LSM14A: variants seen among roughly 807,000 people sequenced by gnomAD.
The protein encoded by LSM14A is protein LSM14 homolog A.
LSM14A carries 14 observed loss-of-function variants against 52.4 expected under a neutral mutation model. The observed-to-expected ratio is 0.27, with a 90% CI of 0.18 to 0.42. LSM14A has a LOEUF of 0.42. Among genes scored for constraint, LSM14A ranks in the 10% least tolerant of loss-of-function variants. The pLI is 1.00. For missense variants in LSM14A, 417 were observed against 581.8 expected (o/e 0.72, Z 2.91); for synonymous variants, 185 against 200.3 (o/e 0.92, Z 0.64).
At chr19:34,181,581 C>T (rs1599660599) in intron 1 of LSM14A, among the ~76,000 whole-genome samples, 1 of 152,112 alleles carries the variant, frequency 6.6e-6, no homozygotes, top group Admixed American at 6.5e-5. Context: ...TTAACTTGAT[C>T]GTATGCCATT....
Position 34,192,316 on chromosome 19 carries a change from GTTGTTTTTTT to G in LSM14A, c.122-2159_122-2150del, listed in dbSNP as rs1249205365. Among the ~76,000 whole-genome samples the G allele has an allele frequency of 7.3e-4, 48 of 65,786 alleles. 2 individuals carry two copies. The highest frequency in any genetic ancestry group is 2.4e-3 in the African/African-American group (42 of 17,408). 43.2% of individuals were successfully genotyped at this position (65,786 alleles called of 152,430 possible). ...TTTACACTGAAATAACATTCTTTTT[GTTGTTTTTTT>G]TTTTTTTTTTTTTTTTGGAGTCAGA... On this transcript the variant is annotated intron_variant, in intron 1 of 9. Coordinates refer to ENST00000544216, the MANE Select transcript of LSM14A (RefSeq NM_015578.4).
chr19:34,186,821 T>C (rs1451165429), intron 1 of LSM14A, among the ~76,000 whole-genome samples: 3 of 152,248 alleles, frequency 2.0e-5, no homozygotes, highest in African/African-American at 7.2e-5. Flanking sequence ...TTCTTAACTT[T>C]GTAAGCGTCT....
intron 3 of LSM14A, among the ~76,000 whole-genome samples, chr19:34,198,107 C>A (rs143703107): frequency 1.3e-5 from 2 of 150,786 alleles, no homozygotes; most frequent in African/African-American, 4.9e-5. Context: ...TGCCCCTAAT[C>A]TTTTAAAATT....
chr19:34,217,307 G>A (rs908587092), intron 6 of LSM14A, among the ~76,000 whole-genome samples: 2 of 149,172 alleles, frequency 1.3e-5, no homozygotes, highest in Admixed American at 1.3e-4. Flanking sequence ...TGAATCAGTT[G>A]TTTAAGAGCT....
chr19:34,205,824 T>A (rs1390434469), intron 3 of LSM14A, among the ~76,000 whole-genome samples: 1 of 152,094 alleles, frequency 6.6e-6, no homozygotes, highest in Non-Finnish European at 1.5e-5. Context: ...ATCAGCAAAG[T>A]CAAGAGTTTG....
intron 1 of LSM14A, among the ~76,000 whole-genome samples, chr19:34,180,174 C>T (rs1311431088): frequency 1.3e-5 from 2 of 152,202 alleles, no homozygotes; most frequent in East Asian, 3.8e-4. Context: ...CTGCCTTGGC[C>T]TCCCAAAGTG....
At chr19:34,182,977 C>T (rs2069605097) in intron 1 of LSM14A, among the ~76,000 whole-genome samples, 1 of 152,120 alleles carries the variant, frequency 6.6e-6, no homozygotes, top group Non-Finnish European at 1.5e-5. Context: ...TTGCCTCCTG[C>T]TCCCCAGCCT....
chr19:34,219,612 T>G, intron 7 of LSM14A, 39 bp downstream of exon 7: 3 of 1,587,006 alleles, frequency 1.9e-6, no homozygotes, highest in Non-Finnish European at 2.6e-6. Context: ...TAATCTTATT[T>G]GATCTGTGAA....
Position 34,221,743 on chromosome 19 carries a change from G to A in LSM14A, c.1368+5G>A. The A allele has an allele frequency of 1.9e-6, 3 of 1,595,482 alleles. No individual in the cohort carries two copies. The highest frequency in any genetic ancestry group is 2.6e-6 in the Non-Finnish European group (3 of 1,165,590). On this transcript the variant is annotated splice_donor_5th_base_variant and intron_variant, in intron 9 of 9. Coordinates refer to ENST00000544216, the MANE Select transcript of LSM14A (RefSeq NM_015578.4). ...TTTGCGGATTTTGAATATAGGGTAA[G>A]TGTTACTGTTAATAAATTCTTTGGG... is the stretch of plus-strand genomic sequence containing the variant.
chr19:34,197,616 T>C (rs2070956916), intron 3 of LSM14A, among the ~76,000 whole-genome samples: 1 of 151,340 alleles, frequency 6.6e-6, no homozygotes, highest in Non-Finnish European at 1.5e-5. Flanking sequence ...TTTTTTTGTA[T>C]TTTTAGTAGA....
At chr19:34,214,514 G>A (rs1411216916) in intron 4 of LSM14A, among the ~76,000 whole-genome samples, 1 of 152,048 alleles carries the variant, frequency 6.6e-6, no homozygotes, top group Non-Finnish European at 1.5e-5. Context: ...TCGCCATGTT[G>A]CCTAGGCTGG....
chr19:34,219,872 C>A lies in LSM14A; in HGVS notation c.1131C>A (p.Asp377Glu). The part of the protein sequence containing the change: ...KSFFDNISCD[D>E]NRERRPTWAE... ...TCTTTGATAATATTTCTTGTGATGA[C>A]AATAGGTACAGTTTTTAAGCTGTTC... The change falls in exon 8 of 10, where the codon GAC (aspartate) becomes GAA (glutamate). Residue 377 changes from aspartate (D) to glutamate (E), a missense_variant. By Grantham distance (45) the Asp-to-Glu change is conservative. Coordinates refer to ENST00000544216, the MANE Select transcript of LSM14A (RefSeq NM_015578.4). 1 of 1,601,836 alleles carries A rather than the reference C, an allele frequency of 6.2e-7. No individual in the cohort carries two copies.
At chr19:34,214,775 A>T (rs2072451255) in intron 4 of LSM14A, among the ~76,000 whole-genome samples, 1 of 151,580 alleles carries the variant, frequency 6.6e-6, no homozygotes, top group Admixed American at 6.6e-5. Flanking sequence ...ACAACATGAT[A>T]ATTTGTAGGA....
chr19:34,210,801 G>C (rs536785057), intron 4 of LSM14A, among the ~76,000 whole-genome samples: 6 of 143,640 alleles, frequency 4.2e-5, no homozygotes, highest in African/African-American at 1.3e-4. Flanking sequence ...GGAACTCCTG[G>C]GCTCAAGTGA....
chr19:34,187,707 A>T (rs1179776695), intron 1 of LSM14A, among the ~76,000 whole-genome samples: 1 of 152,138 alleles, frequency 6.6e-6, no homozygotes, highest in Non-Finnish European at 1.5e-5. Context: ...TAATGGAGGT[A>T]TTGTATTGGG....
At chr19:34,206,787 A>G (rs1272673969) in intron 3 of LSM14A, among the ~76,000 whole-genome samples, 1 of 152,216 alleles carries the variant, frequency 6.6e-6, no homozygotes, top group Admixed American at 6.5e-5. Context: ...CAAGAAAATT[A>G]TAGATCATTG....
At chr19:34,210,550 A>G (rs928550055) in intron 4 of LSM14A, among the ~76,000 whole-genome samples, 1 of 142,696 alleles carries the variant, frequency 7.0e-6, no homozygotes, top group Non-Finnish European at 1.5e-5. Flanking sequence ...GGGATTGTAG[A>G]TGTGAGCCAC....
In LSM14A at chr19:34,215,577, T is replaced by A; in HGVS notation, c.716-19T>A. 2 of 1,601,196 alleles carry A rather than the reference T, an allele frequency of 1.2e-6. No individual in the cohort carries two copies. The highest frequency in any genetic ancestry group is 2.2e-5 in the South Asian group (2 of 90,662). ...TGTACCCTGAGTTGATTTGGCACTTTGCATGTCTTCTTCTGTAGCTGAAGT... is the reference window on the plus strand; with the variant it reads ...TGTACCCTGAGTTGATTTGGCACTTAGCATGTCTTCTTCTGTAGCTGAAGT... On this transcript the variant is annotated intron_variant, in intron 5 of 9. Coordinates refer to ENST00000544216, the MANE Select transcript of LSM14A (RefSeq NM_015578.4).
At chr19:34,182,066 C>T (rs1235608589) in intron 1 of LSM14A, among the ~76,000 whole-genome samples, 3 of 152,152 alleles carry the variant, frequency 2.0e-5, no homozygotes, top group Non-Finnish European at 4.4e-5. Context: ...CAGAATTTGA[C>T]CTCTGACCAC....
Sources: allele counts gnomAD v4.1 joint callset (sites outside exome capture counted in the v4.1 genomes callset), GRCh38; gene constraint gnomAD v4.1.1; transcripts MANE v1.5; gene names NCBI Gene and HGNC (gene_info 2026-07-23, HGNC 2026-07-21).